Variants in IL23R observed in about 807,000 individuals in gnomAD.
IL23R encodes interleukin-23 receptor.
Under a neutral mutation model 56.9 loss-of-function variants are expected in IL23R, and 34 were observed. The observed-to-expected ratio is 0.60, with a 90% CI of 0.45 to 0.80. IL23R has a LOEUF of 0.80. IL23R is among the 30% of genes least tolerant of loss of function. The pLI is 0.00. For synonymous variants in IL23R, 230 were observed against 249.2 expected (o/e 0.92, Z 0.73); for missense variants, 635 against 730.0 (o/e 0.87, Z 1.50).
rs147328668 is a variant in IL23R at position 67,231,313 on chromosome 1, A to C, written c.956-5400A>C. ...AGGAAATTTATGTACAATGATATAC[A>C]TCCAAAACCTAATTATAATAGTAAG... On this transcript the variant is annotated intron_variant, in intron 7 of 10. Coordinates refer to ENST00000347310, the MANE Select transcript of IL23R (RefSeq NM_144701.3). Among the ~76,000 whole-genome samples, 572 of 152,344 alleles carry C rather than the reference A, an allele frequency of 3.8e-3. 4 individuals carry two copies. Among genetic ancestry groups the C allele is most frequent in the African/African-American group, 0.013 (529 of 41,586 alleles).
At chr1:67,222,252 G>T (rs1051445273) in intron 7 of IL23R, among the ~76,000 whole-genome samples, 2 of 151,442 alleles carry the variant, frequency 1.3e-5, no homozygotes, top group Non-Finnish European at 2.9e-5. Flanking sequence ...GAGTAGCTGG[G>T]ATTACAGGCA....
chr1:67,187,703 G>A (rs974088610), intron 4 of IL23R, among the ~76,000 whole-genome samples: 9 of 152,204 alleles, frequency 5.9e-5, no homozygotes, highest in Non-Finnish European at 1.0e-4. Flanking sequence ...ATGGGCTTTA[G>A]AGTTTTAGAT....
chr1:67,163,442 C>A (rs1239869947), upstream of IL23R, among the ~76,000 whole-genome samples: 2 of 126,896 alleles, frequency 1.6e-5, no homozygotes, highest in Non-Finnish European at 3.1e-5. Context: ...GCACTCCAGC[C>A]TGGGCCACAG....
At chr1:67,260,476 G>T (rs1363610031), downstream of IL23R, among the ~76,000 whole-genome samples, 1 of 152,028 alleles carries the variant, frequency 6.6e-6, no homozygotes, top group African/African-American at 2.4e-5. Context: ...GTCTCCTGCA[G>T]ATATCACCAG....
At chr1:67,256,726 G>C (rs1476223011) in intron 10 of IL23R, among the ~76,000 whole-genome samples, 1 of 152,124 alleles carries the variant, frequency 6.6e-6, no homozygotes, top group East Asian at 1.9e-4. Flanking sequence ...AAGTCAGGGG[G>C]ACCCCTGGGG....
intron 7 of IL23R, among the ~76,000 whole-genome samples, chr1:67,223,592 T>C (rs921237987): frequency 2.0e-5 from 3 of 152,210 alleles, no homozygotes; most frequent in Non-Finnish European, 2.9e-5. Context: ...GTAAGTTTAC[T>C]GTAGTATGCA....
At chr1:67,210,585 C>T (rs114316017) in intron 6 of IL23R, among the ~76,000 whole-genome samples, 3,372 of 152,194 alleles carry the variant, frequency 0.022, 64 homozygotes, top group Middle Eastern at 0.044. Context: ...GCCTTAGCCT[C>T]CCAAGTAGCT....
At chr1:67,142,596 A>C (rs1342421560) in intron 1 of IL23R, among the ~76,000 whole-genome samples, 1 of 151,976 alleles carries the variant, frequency 6.6e-6, no homozygotes, top group African/African-American at 2.4e-5. Flanking sequence ...GCAGAGTTTC[A>C]CTCTTGTTGC....
At chr1:67,179,575 G>A (rs28862094) in intron 3 of IL23R, among the ~76,000 whole-genome samples, 3,206 of 152,036 alleles carry the variant, frequency 0.021, 102 homozygotes, top group African/African-American at 0.073. Flanking sequence ...AACAGCTCCT[G>A]GATTCATTGA....
upstream of IL23R, chr1:67,166,329 C>T (rs541128139): frequency 3.9e-5 from 6 of 152,314 alleles, no homozygotes; most frequent in Admixed American, 3.3e-4. Context: ...AATAGTGACA[C>T]GAGAGCCAGT....
intron 1 of IL23R, among the ~76,000 whole-genome samples, chr1:67,143,553 G>T (rs544727073): frequency 1.3e-5 from 2 of 152,158 alleles, no homozygotes; most frequent in Non-Finnish European, 2.9e-5. Context: ...GTGCAGAATT[G>T]CCCCTTCAAT....
At chr1:67,255,760 T>C in intron 9 of IL23R, 77 bp from the exon 10 acceptor site, 1 of 781,670 alleles carries the variant, frequency 1.3e-6, no homozygotes, top group Non-Finnish European at 2.3e-6. Context: ...ATTTTTAATA[T>C]ACATTTTATT....
At chr1:67,188,321 C>A (rs1008586614) in intron 4 of IL23R, among the ~76,000 whole-genome samples, 4 of 150,842 alleles carry the variant, frequency 2.7e-5, no homozygotes, top group Admixed American at 2.6e-4. Flanking sequence ...CTGTGGACTT[C>A]GACCTACACT....
intron 8 of IL23R, among the ~76,000 whole-genome samples, chr1:67,238,341 G>GA (rs34475912): frequency 0.66 from 86,164 of 130,360 alleles, 27,976 homozygotes; most frequent in East Asian, 0.76. Flanking sequence ...CCTGTCTCAG[G>GA]AAAAAAAAAA....
At chr1:67,156,597 C>T (rs868729347) in intron 1 of IL23R, among the ~76,000 whole-genome samples, 1 of 152,242 alleles carries the variant, frequency 6.6e-6, no homozygotes, top group South Asian at 2.1e-4. Context: ...ACCTCCCAGT[C>T]TCCTTAGGGC....
intron 6 of IL23R, 129 bp downstream of exon 6, chr1:67,207,184 C>A: frequency 1.9e-6 from 2 of 1,056,364 alleles, no homozygotes; most frequent in Non-Finnish European, 2.9e-6. Context: ...GATATTCAAG[C>A]CACTTTAGTT....
downstream of IL23R, among the ~76,000 whole-genome samples, chr1:67,263,261 T>A (rs1416374162): frequency 6.6e-6 from 1 of 151,912 alleles, no homozygotes; most frequent in African/African-American, 2.4e-5. Flanking sequence ...TATTTTAAAT[T>A]TTTTGTAGAG....
At chr1:67,197,159 G>A (rs1648221518) in intron 4 of IL23R, among the ~76,000 whole-genome samples, 1 of 152,156 alleles carries the variant, frequency 6.6e-6, no homozygotes, top group African/African-American at 2.4e-5. Context: ...AGGGGGACAT[G>A]CCACTAAGTA....
At chr1:67,229,102 G>A (rs759526542) in intron 7 of IL23R, among the ~76,000 whole-genome samples, 5 of 152,018 alleles carry the variant, frequency 3.3e-5, no homozygotes, top group Non-Finnish European at 7.4e-5. Context: ...ATTCATTCTG[G>A]CACTATCTGC....
Sources: allele counts gnomAD v4.1 joint callset (sites outside exome capture counted in the v4.1 genomes callset), GRCh38; gene constraint gnomAD v4.1.1; transcripts MANE v1.5; gene names NCBI Gene and HGNC (gene_info 2026-07-23, HGNC 2026-07-21).